Variants in NRM observed in about 807,000 individuals in gnomAD.
NRM encodes nuclear rim protein.
A neutral mutation model predicts 23.4 loss-of-function variants in NRM; 19 were observed. The ratio of observed to expected loss-of-function variants is 0.81; its 90% confidence interval spans 0.57 to 1.19. The LOEUF (loss-of-function observed/expected upper bound fraction) is 1.19, where lower values mean the gene tolerates loss of function less well. Among genes scored for constraint, NRM ranks in the 50% most tolerant of loss-of-function variants. NRM has a pLI of 0.00. For synonymous variants in NRM, 140 were observed against 143.5 expected (o/e 0.98, Z 0.17); for missense variants, 232 against 329.7 (o/e 0.70, Z 2.30).
chr6:30,691,391 T>C (rs1359854168), upstream of NRM: 1 of 157,860 alleles, frequency 6.3e-6, no homozygotes, highest in African/African-American at 2.4e-5. Context: ...AGTTGAGTTG[T>C]TGACTGGCCA....
In NRM at chr6:30,689,185, T is replaced by C. The variant is rs1372814727; in HGVS notation, c.507+91A>G. ...CCACGAGGGAGAAGCAGGGAGACAG[T>C]AGAAGAGCATGGGAGGAGGGAAACC... On this transcript the variant is annotated intron_variant, in intron 3 of 3. Transcript: ENST00000376421. The surrounding 1 kb of genome is among the most constrained non-coding windows in gnomAD (Gnocchi z 4.7). 2.3e-6 allele frequency: 3 copies of C among 1,302,654 alleles called. No homozygotes were observed. The highest frequency in any genetic ancestry group is 2.4e-5 in the Admixed American group (1 of 41,246). The allele number at this position is 1,302,654 out of a possible 1,614,324, so 80.7% of individuals were successfully genotyped here.
upstream of NRM, chr6:30,691,013 G>T: frequency 6.4e-7 from 1 of 1,556,846 alleles, no homozygotes; most frequent in Non-Finnish European, 8.7e-7. Context: ...GCGGGGTCGG[G>T]ATTCCCGCTG....
Position 30,688,727 on chromosome 6 carries a change from G to A in NRM, c.723C>T (p.Tyr241=). 2 of 1,614,020 alleles carry A rather than the reference G, an allele frequency of 1.2e-6. No individual in the cohort carries two copies. The highest frequency in any genetic ancestry group is 1.7e-6 in the Non-Finnish European group (2 of 1,180,002). Residue 241 remains tyrosine (Y), a synonymous_variant, in exon 4 of 4, where the codon TAC becomes TAT. Transcript: ENST00000376421. This position sits in a 1 kb window ranked among gnomAD's most constrained non-coding sequence, Gnocchi z 5.9. ...GTTTTCTTTGTAGCTGGGCCCGGAG[G>A]TAGCGGAGGTCTTGCTGATCAAGCC... ...AHGLDQQDLR[Y]LRAQLQRKLH... is the part of the protein sequence containing the mutation.
At position 30,690,695 on chromosome 6, in the gene NRM, C is replaced by T; in HGVS notation, c.133+147G>A. The stretch of plus-strand genomic sequence containing the variant: ...GTTCCTAATTTAGAACTCAGGTCTC[C>T]CTCCCCTGTAGCTTCTCGGCCGCTT... On this transcript the variant is annotated intron_variant, in intron 1 of 3. Coordinates refer to ENST00000376421, the MANE Select transcript of NRM (RefSeq NM_001384369.1). The surrounding 1 kb of genome is among the most constrained non-coding windows in gnomAD (Gnocchi z 5.5). 1 of 1,610,522 alleles carries T rather than the reference C, an allele frequency of 6.2e-7. No homozygotes were observed. Among genetic ancestry groups the T allele is most frequent in the Non-Finnish European group, 8.5e-7 (1 of 1,179,050 alleles).
chr6:30,691,034 C>G, upstream of NRM: 1 of 1,533,224 alleles, frequency 6.5e-7, no homozygotes, highest in Non-Finnish European at 8.8e-7. Context: ...CCACAGGCCC[C>G]GCCCGCGGCC....
chr6:30,691,177 C>T (rs1771623750), upstream of NRM: 3 of 558,546 alleles, frequency 5.4e-6, no homozygotes, highest in Non-Finnish European at 6.3e-6. Context: ...CCTGCTGTCT[C>T]TCCGTCACAG....
rs1401236036 is a variant in NRM, at chr6:30,690,619, T to C, written c.133+223A>G. 8 of 1,555,414 alleles carry C rather than the reference T, an allele frequency of 5.1e-6. 1 individual carries two copies. The Admixed American group carries it at 1.5e-4, about 30-fold the overall frequency. On this transcript the variant is annotated intron_variant, in intron 1 of 3. Transcript: ENST00000376421. The surrounding 1 kb of genome is among the most constrained non-coding windows in gnomAD (Gnocchi z 5.5). ...TAGAATACTCCGGTCACCGCCCTTT[T>C]CGGCTCCCTCAGTCCTCACTCTCCC...
chr6:30,688,748 A>C lies in NRM; in HGVS notation c.702T>G (p.Leu234=). Residue 234 remains leucine, a synonymous_variant, in exon 4 of 4, where the codon CTT becomes CTG. Coordinates refer to ENST00000376421, the MANE Select transcript of NRM (RefSeq NM_001384369.1). The surrounding 1 kb of genome is among the most constrained non-coding windows in gnomAD (Gnocchi z 5.9). The part of the protein sequence containing the change: ...LTLYLGLAHG[L]DQQDLRYLRA... ...GGAGGTAGCGGAGGTCTTGCTGATC[A>C]AGCCCGTGAGCCAGGCCCAGGTAGA... 1 of 1,613,974 alleles carries C rather than the reference A, an allele frequency of 6.2e-7. No homozygotes were observed. Among genetic ancestry groups the C allele is most frequent in the South Asian group, 1.1e-5 (1 of 91,086 alleles).
Position 30,690,141 on chromosome 6 carries a change from A to T in NRM, c.236T>A (p.Leu79His). 1 of 1,612,916 alleles carries T rather than the reference A, an allele frequency of 6.2e-7. No homozygotes were observed. The highest frequency in any genetic ancestry group is 8.5e-7 in the Non-Finnish European group (1 of 1,179,960). The stretch of plus-strand genomic sequence containing the variant: ...TGCCTTCACTCTTTCAGCTGCCATG[A>T]GGCTGTGCTGCCCAACAAATAGAAG... Reference protein sequence around the residue: ...LLLLFVGQHSLMAAERVKAWT... With the variant: ...LLLLFVGQHSHMAAERVKAWT... Residue 79 changes from leucine (L) to histidine (H), a missense_variant, in exon 2 of 4, where the codon CTC (leucine) becomes CAC (histidine). By Grantham distance (99) the Leu-to-His change is moderately conservative. Coordinates refer to ENST00000376421, the MANE Select transcript of NRM (RefSeq NM_001384369.1). This position sits in a 1 kb window ranked among gnomAD's most constrained non-coding sequence, Gnocchi z 5.5.
At position 30,690,191 on chromosome 6, in the gene NRM, G is replaced by A. The variant is rs1008460150; in HGVS notation, c.186C>T (p.Pro62=). The A allele has an allele frequency of 1.2e-6, 2 of 1,611,604 alleles. No homozygotes were observed. The highest frequency in any genetic ancestry group is 1.7e-6 in the Non-Finnish European group (2 of 1,179,492). Residue 62 remains proline, a synonymous_variant, in exon 2 of 4, where the codon CCC becomes CCT. Transcript: ENST00000376421. This position sits in a 1 kb window ranked among gnomAD's most constrained non-coding sequence, Gnocchi z 5.5. Reference sequence around the variant, plus strand: ...GCAGGAGCCCCAGATCCCATGCCAGGGGGGCAAGGATGCTGCGGTCCTGCA... The same window carrying A: ...GCAGGAGCCCCAGATCCCATGCCAGAGGGGCAAGGATGCTGCGGTCCTGCA... ...AALQDRSILA[P]LAWDLGLLLL...
Position 30,688,411 on chromosome 6 carries a change from T to C in NRM, c.*250A>G, listed in dbSNP as rs1771173394. The C allele has an allele frequency of 5.1e-6, 3 of 587,672 alleles. No individual in the cohort carries two copies. In the South Asian group the frequency reaches 6.3e-5, roughly 12 times the overall value. 36.4% of individuals were successfully genotyped at this position (587,672 alleles called of 1,614,324 possible). On this transcript the variant is annotated 3_prime_UTR_variant, in exon 4 of 4. Transcript: ENST00000376421. The surrounding 1 kb of genome is among the most constrained non-coding windows in gnomAD (Gnocchi z 5.9). ...GGGGAGAGTGTCATGCTCTAAACAG[T>C]GAAGGGACAGATGACTTCCATACCC...
chr6:30,691,227 A>G (rs931192106), upstream of NRM: 1 of 467,482 alleles, frequency 2.1e-6, no homozygotes, highest in Admixed American at 3.6e-5. Flanking sequence ...TGTTAAGGGT[A>G]GCGGCTCTGC....
chr6:30,691,086 C>T (rs369499943), upstream of NRM: 75 of 1,264,904 alleles, frequency 5.9e-5, 1 homozygote, highest in African/African-American at 1.1e-3. Context: ...GGGGCTCCTG[C>T]ACGCCACCGC....
At chr6:30,691,189 A>T (rs1409358102), upstream of NRM, 3 of 538,120 alleles carry the variant, frequency 5.6e-6, no homozygotes, top group Non-Finnish European at 3.3e-6. Flanking sequence ...CCGTCACAGA[A>T]GGGAATGTTA....
chr6:30,690,877 G>A lies in NRM; in HGVS notation c.98C>T (p.Pro33Leu). 1.2e-6 allele frequency: 2 copies of A among 1,613,060 alleles called. No homozygotes were observed. Among genetic ancestry groups the A allele is most frequent in the South Asian group, 1.1e-5 (1 of 91,078 alleles). ...AGACTCCGGGATCCCTCCAAGAAGT[G>A]GCCGAAGGGAGGTAAAGCGCACGAA... ...VEFVRFTSLR[P>L]LLGGIPESGG... Residue 33 changes from proline to leucine, a missense_variant, in exon 1 of 4, where the codon CCA becomes CTA. Physicochemically the swap from Pro to Leu is moderately conservative, Grantham distance 98. Transcript: ENST00000376421. The surrounding 1 kb of genome is among the most constrained non-coding windows in gnomAD (Gnocchi z 5.5).
Position 30,688,536 on chromosome 6 carries a change from T to C in NRM, c.*125A>G. The stretch of plus-strand genomic sequence containing the variant: ...ACCCAGAGAATAAAGTCTCAAGTAG[T>C]AGAAGGGGCATCTCCTTCAGTCCAT... On this transcript the variant is annotated 3_prime_UTR_variant, in exon 4 of 4. Coordinates refer to ENST00000376421, the MANE Select transcript of NRM (RefSeq NM_001384369.1). The surrounding 1 kb of genome is among the most constrained non-coding windows in gnomAD (Gnocchi z 5.9). The C allele has an allele frequency of 9.3e-7, 1 of 1,077,342 alleles. No homozygotes were observed. 66.7% of individuals were successfully genotyped at this position (1,077,342 alleles called of 1,614,324 possible). A position where few individuals can be genotyped will look rare whatever the true frequency, so the allele number is the denominator to read the frequency against.
At position 30,688,916 on chromosome 6, in the gene NRM, G is replaced by A. The variant is rs754727143; in HGVS notation, c.534C>T (p.Gly178=). 2 of 1,612,452 alleles carry A rather than the reference G, an allele frequency of 1.2e-6. No individual in the cohort carries two copies. Among genetic ancestry groups the A allele is most frequent in the South Asian group, 1.1e-5 (1 of 91,008 alleles). The change falls in exon 4 of 4, where the codon GGC becomes GGT. Residue 178 remains glycine (G), a synonymous_variant. Transcript: ENST00000376421. The surrounding 1 kb of genome is among the most constrained non-coding windows in gnomAD (Gnocchi z 5.9). ...KQVYYHVLGL[G]EPLALKSPRA... ...GGGGAGACTTCAGGGCCAGAGGCTCGCCCAGCCCCAGCACATGGTAGTATA... is the reference window on the plus strand; with the variant it reads ...GGGGAGACTTCAGGGCCAGAGGCTCACCCAGCCCCAGCACATGGTAGTATA...
At chr6:30,691,146 G>A (rs1267459249), upstream of NRM, 3 of 650,206 alleles carry the variant, frequency 4.6e-6, no homozygotes, top group Non-Finnish European at 7.7e-6. Flanking sequence ...CTGTGGATCC[G>A]TCCTGGGATG....
rs985595882 is a variant in NRM, at chr6:30,689,665, A to G, written c.331-213T>C. Among the ~76,000 whole-genome samples the G allele has an allele frequency of 4.6e-5, 7 of 152,192 alleles. No homozygotes were observed. The highest frequency in any genetic ancestry group is 1.2e-4 in the African/African-American group (5 of 41,460). On this transcript the variant is annotated intron_variant, in intron 2 of 3. Coordinates refer to ENST00000376421, the MANE Select transcript of NRM (RefSeq NM_001384369.1). The surrounding 1 kb of genome is among the most constrained non-coding windows in gnomAD (Gnocchi z 4.7). ...GCCTGTCTCTACCCTGAGAACTTAT[A>G]GAATAGATGGGGTGACCTGATAGCT...
Sources: allele counts gnomAD v4.1 joint callset (sites outside exome capture counted in the v4.1 genomes callset), GRCh38; gene constraint gnomAD v4.1.1; non-coding constraint Gnocchi (gnomAD v3.1); transcripts MANE v1.5; gene names NCBI Gene and HGNC (gene_info 2026-07-23, HGNC 2026-07-21).